Variants in GRIP1 observed in about 807,000 individuals in gnomAD.
The protein encoded by GRIP1 is glutamate receptor-interacting protein 1.
Under a neutral mutation model 129.9 loss-of-function variants are expected in GRIP1, and 45 were observed. The observed-to-expected ratio is 0.35, with a 90% CI of 0.27 to 0.44. The LOEUF is 0.44. Ranked by LOEUF, GRIP1 falls within the 20% of genes least tolerant of loss-of-function variation. The pLI, the probability that GRIP1 is intolerant of heterozygous loss-of-function variation, is 1.00. For synonymous variants in GRIP1, 530 were observed against 520.8 expected, an observed-to-expected ratio of 1.02 and a Z score of -0.24; for missense variants, 1,196 against 1,396.8, an observed-to-expected ratio of 0.86 and a Z score of 2.29.
intron 1 of GRIP1, among the ~76,000 whole-genome samples, chr12:66,636,595 A>T (rs2031395647): frequency 1.3e-5 from 2 of 152,138 alleles, no homozygotes; most frequent in Non-Finnish European, 2.9e-5. Context: ...ATTTCACAAT[A>T]TGACTGCATT....
intron 16 of GRIP1, among the ~76,000 whole-genome samples, chr12:66,403,724 T>A (rs1298700660): frequency 1.3e-5 from 2 of 152,284 alleles, no homozygotes; most frequent in Non-Finnish European, 1.5e-5. Context: ...ACATATTTAA[T>A]AAGCACAATA....
intron 7 of GRIP1, among the ~76,000 whole-genome samples, chr12:66,507,827 G>C (rs2060580024): frequency 6.6e-6 from 1 of 151,788 alleles, no homozygotes; most frequent in Non-Finnish European, 1.5e-5. Flanking sequence ...CTGGAGTGCA[G>C]TGGTGTGATC....
At chr12:67,025,724 G>A (rs1032335176) in intron 1 of GRIP1, among the ~76,000 whole-genome samples, 13 of 152,134 alleles carry the variant, frequency 8.5e-5, no homozygotes, top group East Asian at 3.9e-4. Flanking sequence ...TCATGACGGC[G>A]AGGGTCCTCA....
chr12:66,456,067 T>TA (rs1221514809), intron 10 of GRIP1, 120 bp downstream of exon 10: 1 of 519,338 alleles, frequency 1.9e-6, no homozygotes, highest in East Asian at 6.8e-5. Flanking sequence ...TCAGAAATGA[T>TA]AAATTGCTAC....
chr12:66,830,411 C>A (rs1243200881), intron 1 of GRIP1, among the ~76,000 whole-genome samples: 1 of 152,040 alleles, frequency 6.6e-6, no homozygotes, highest in Non-Finnish European at 1.5e-5. Context: ...AGGAGAGGGT[C>A]AGAGACAGAG....
At chr12:67,041,853 C>T (rs913674609) in intron 1 of GRIP1, among the ~76,000 whole-genome samples, 7 of 151,816 alleles carry the variant, frequency 4.6e-5, no homozygotes, top group Admixed American at 3.3e-4. Flanking sequence ...TCCTTGATGG[C>T]ATATACAAAC....
At chr12:66,484,149 G>A (rs11176221) in intron 7 of GRIP1, among the ~76,000 whole-genome samples, 6,577 of 152,240 alleles carry the variant, frequency 0.043, 354 homozygotes, top group African/African-American at 0.12. Flanking sequence ...GTGAGCCACT[G>A]CGCCCGGCCC....
intron 2 of GRIP1, among the ~76,000 whole-genome samples, chr12:66,559,343 A>G (rs1284270654): frequency 6.6e-6 from 1 of 152,140 alleles, no homozygotes; most frequent in South Asian, 2.1e-4. Flanking sequence ...GAGCAATCAG[A>G]TAAGAGAAAG....
intron 1 of GRIP1, among the ~76,000 whole-genome samples, chr12:66,787,789 AT>A (rs1332176305): frequency 6.6e-6 from 1 of 152,140 alleles, no homozygotes; most frequent in African/African-American, 2.4e-5. Flanking sequence ...AGTCTATAGT[AT>A]TTTGTTACAG....
At chr12:67,013,790 A>G (rs2042744389) in intron 1 of GRIP1, among the ~76,000 whole-genome samples, 1 of 152,216 alleles carries the variant, frequency 6.6e-6, no homozygotes, top group Admixed American at 6.5e-5. Flanking sequence ...TCCCACCTCC[A>G]GGGATATTTT....
chr12:66,989,387 G>T (rs2042361425), intron 1 of GRIP1, among the ~76,000 whole-genome samples: 2 of 152,156 alleles, frequency 1.3e-5, no homozygotes, highest in African/African-American at 4.8e-5. Flanking sequence ...CGTCAAATTT[G>T]GGAGTTATCA....
At chr12:66,500,515 C>T (rs796456520) in intron 7 of GRIP1, among the ~76,000 whole-genome samples, 18 of 151,990 alleles carry the variant, frequency 1.2e-4, no homozygotes, top group African/African-American at 4.1e-4. Context: ...TAAATAGGGA[C>T]GATGGGAATT....
At chr12:66,688,938 C>G (rs1312582517) in intron 1 of GRIP1, among the ~76,000 whole-genome samples, 1 of 152,182 alleles carries the variant, frequency 6.6e-6, no homozygotes, top group Non-Finnish European at 1.5e-5. Context: ...GTCTCTTCCT[C>G]TCATCAGGCA....
At chr12:66,689,036 G>A (rs886127778) in intron 1 of GRIP1, among the ~76,000 whole-genome samples, 3 of 152,138 alleles carry the variant, frequency 2.0e-5, no homozygotes, top group African/African-American at 7.2e-5. Flanking sequence ...AGTCAGGCAA[G>A]CAGCTACTAG....
At chr12:66,488,993 A>C (rs892912236) in intron 7 of GRIP1, among the ~76,000 whole-genome samples, 8 of 152,180 alleles carry the variant, frequency 5.3e-5, no homozygotes, top group African/African-American at 1.9e-4. Context: ...CCTACCAACC[A>C]AAAAATATCC....
At chr12:66,875,319 T>A (rs1465089182) in intron 1 of GRIP1, among the ~76,000 whole-genome samples, 1 of 152,054 alleles carries the variant, frequency 6.6e-6, no homozygotes, top group Non-Finnish European at 1.5e-5. Context: ...ACCATCAAAA[T>A]ATGTAAATTT....
chr12:66,764,514 A>G (rs2037569240), intron 1 of GRIP1, among the ~76,000 whole-genome samples: 1 of 152,216 alleles, frequency 6.6e-6, no homozygotes, highest in African/African-American at 2.4e-5. Context: ...ACTTTTCAGG[A>G]ATGTGCTTTA....
At chr12:66,726,950 C>T (rs1296764600) in intron 1 of GRIP1, among the ~76,000 whole-genome samples, 1 of 152,162 alleles carries the variant, frequency 6.6e-6, no homozygotes, top group African/African-American at 2.4e-5. Flanking sequence ...TAAACAAATG[C>T]AGTATGTAGT....
chr12:66,389,696 T>C (rs2056504121), intron 19 of GRIP1, among the ~76,000 whole-genome samples: 1 of 152,152 alleles, frequency 6.6e-6, no homozygotes, highest in Non-Finnish European at 1.5e-5. Flanking sequence ...AATTCTTATG[T>C]TGAGGTAGGT....
Sources: allele counts gnomAD v4.1 joint callset (sites outside exome capture counted in the v4.1 genomes callset), GRCh38; gene constraint gnomAD v4.1.1; transcripts MANE v1.5; gene names NCBI Gene and HGNC (gene_info 2026-07-23, HGNC 2026-07-21).